The following GOLM1 variants were observed in gnomAD, a reference collection of about 807,000 sequenced individuals.
GOLM1 encodes golgi membrane protein 1, also known as epididymis luminal protein 46.
GOLM1 carries 31 observed loss-of-function variants against 50.5 expected under a neutral mutation model. The ratio of observed to expected loss-of-function variants is 0.61; its 90% confidence interval spans 0.46 to 0.83. GOLM1 has a LOEUF of 0.83. GOLM1 is among the 40% of genes least tolerant of loss of function. GOLM1 has a pLI of 0.00. For synonymous variants in GOLM1, 178 were observed against 192.8 expected (o/e 0.92, Z 0.64); for missense variants, 491 against 501.3 (o/e 0.98, Z 0.20).
At chr9:86,043,928 A>C (rs530806073) in intron 5 of GOLM1, among the ~76,000 whole-genome samples, 1 of 152,342 alleles carries the variant, frequency 6.6e-6, no homozygotes, top group African/African-American at 2.4e-5. Flanking sequence ...AATCTATATG[A>C]GGGAAATATT....
At chr9:86,057,961 C>G (rs113665596) in intron 3 of GOLM1, among the ~76,000 whole-genome samples, 95 of 152,310 alleles carry the variant, frequency 6.2e-4, no homozygotes, top group African/African-American at 2.1e-3. Flanking sequence ...TAAAAAGGAC[C>G]CTTATCTAAT....
At chr9:86,090,388 G>A (rs528733026) in intron 1 of GOLM1, among the ~76,000 whole-genome samples, 108 of 152,296 alleles carry the variant, frequency 7.1e-4, no homozygotes, top group Non-Finnish European at 1.2e-3. Context: ...GGAGCTGGGA[G>A]TTTTATCTGT....
At chr9:86,099,873 C>G (rs888602273), upstream of GOLM1, among the ~76,000 whole-genome samples, 2 of 152,176 alleles carry the variant, frequency 1.3e-5, no homozygotes, top group African/African-American at 4.8e-5. Context: ...GGGGGAGCCC[C>G]CATCCCACGT....
At chr9:86,053,222 C>T (rs1833831594) in intron 3 of GOLM1, among the ~76,000 whole-genome samples, 1 of 137,582 alleles carries the variant, frequency 7.3e-6, no homozygotes, top group Non-Finnish European at 1.6e-5. Flanking sequence ...CATCACACCA[C>T]TCCACACCAC....
At chr9:86,038,247 G>C (rs1309863788) in intron 6 of GOLM1, among the ~76,000 whole-genome samples, 1 of 151,984 alleles carries the variant, frequency 6.6e-6, no homozygotes, top group Non-Finnish European at 1.5e-5. Flanking sequence ...AGCTCAACCA[G>C]GCTCTCAGTG....
intron 9 of GOLM1, among the ~76,000 whole-genome samples, chr9:86,030,618 A>G (rs979954759): frequency 2.0e-5 from 3 of 152,170 alleles, no homozygotes; most frequent in African/African-American, 7.2e-5. Flanking sequence ...AAAGAACACT[A>G]AAGAGGTCTG....
At chr9:86,079,510 G>A (rs755913071) in intron 1 of GOLM1, among the ~76,000 whole-genome samples, 169 bp from the exon 2 acceptor site, 2 of 152,144 alleles carry the variant, frequency 1.3e-5, no homozygotes, top group South Asian at 2.1e-4. Context: ...TGAACGGCAC[G>A]CACAGAGCCC....
chr9:86,072,148 T>C (rs980802590), intron 3 of GOLM1, among the ~76,000 whole-genome samples: 8 of 152,102 alleles, frequency 5.3e-5, no homozygotes, highest in African/African-American at 1.9e-4. Context: ...TTCAGAAATA[T>C]AAGCTACAAA....
At chr9:86,034,675 T>C (rs1833079873) in intron 8 of GOLM1, among the ~76,000 whole-genome samples, 1 of 152,142 alleles carries the variant, frequency 6.6e-6, no homozygotes, top group East Asian at 1.9e-4. Context: ...AAAATTAGAT[T>C]TAAATGGAAT....
intron 1 of GOLM1, among the ~76,000 whole-genome samples, chr9:86,093,889 C>T (rs554135596): frequency 1.3e-5 from 2 of 152,286 alleles, no homozygotes; most frequent in East Asian, 3.9e-4. Flanking sequence ...GCATGTTTGA[C>T]CAACATCAAC....
chr9:86,033,438 C>CAGAA, intron 8 of GOLM1, 43 bp from the exon 9 acceptor site: 1 of 1,196,070 alleles, frequency 8.4e-7, no homozygotes, highest in Non-Finnish European at 1.2e-6. Flanking sequence ...TCATTTCTGT[C>CAGAA]TTGATGTCAC....
intron 5 of GOLM1, among the ~76,000 whole-genome samples, chr9:86,041,828 T>C (rs1324237730): frequency 6.6e-6 from 1 of 152,108 alleles, no homozygotes; most frequent in Non-Finnish European, 1.5e-5. Context: ...GTATCAAAAC[T>C]TGAACTGGGG....
chr9:86,063,144 G>A (rs1834209553), intron 3 of GOLM1, among the ~76,000 whole-genome samples: 1 of 152,258 alleles, frequency 6.6e-6, no homozygotes, highest in Non-Finnish European at 1.5e-5. Flanking sequence ...CTTGACCCAG[G>A]AGCGGGGGCT....
intron 1 of GOLM1, among the ~76,000 whole-genome samples, chr9:86,098,247 G>C (rs1411757832): frequency 1.3e-5 from 2 of 150,770 alleles, no homozygotes; most frequent in Non-Finnish European, 3.0e-5. Flanking sequence ...TTTCTATTAA[G>C]AAAGAAAGTA....
chr9:86,026,731 T>A lies in GOLM1; in HGVS notation c.*1086A>T. 1 of 982,364 alleles carries A rather than the reference T, an allele frequency of 1.0e-6. No individual in the cohort carries two copies. Among genetic ancestry groups the A allele is most frequent in the Non-Finnish European group, 1.2e-6 (1 of 827,122 alleles). The allele number at this position is 982,364 out of a possible 1,614,324, so 60.9% of individuals were successfully genotyped here. A position where few individuals can be genotyped will look rare whatever the true frequency, so the allele number is the denominator to read the frequency against. On this transcript the variant is annotated 3_prime_UTR_variant, in exon 10 of 10. Coordinates refer to ENST00000388712, the MANE Select transcript of GOLM1 (RefSeq NM_016548.4). ...CTCAAGTCAAACCTTAATGCCATTG[T>A]TATTGTGAATTAGGATTAAGTAGTA...
At chr9:86,087,227 G>A (rs1038485313) in intron 1 of GOLM1, among the ~76,000 whole-genome samples, 5 of 152,158 alleles carry the variant, frequency 3.3e-5, no homozygotes, top group African/African-American at 1.2e-4. Context: ...GTGAATGGGA[G>A]CTCATTCATG....
chr9:86,052,891 C>A (rs1158348284), intron 3 of GOLM1, among the ~76,000 whole-genome samples: 1 of 120,812 alleles, frequency 8.3e-6, no homozygotes, highest in Non-Finnish European at 1.8e-5. Flanking sequence ...CCTCCTTCCT[C>A]CTGCCCGACA....
chr9:86,046,629 AG>A (rs1377252479), intron 4 of GOLM1, 57 bp from the exon 5 acceptor site: 12 of 1,046,340 alleles, frequency 1.1e-5, no homozygotes, highest in Non-Finnish European at 1.8e-5. Context: ...CATGCCATTC[AG>A]CCAAAATATG....
At chr9:86,028,565 A>G (rs1832860362) in intron 9 of GOLM1, among the ~76,000 whole-genome samples, 1 of 152,214 alleles carries the variant, frequency 6.6e-6, no homozygotes. Context: ...AACCTGGGAT[A>G]CAGAAAGCCC....
Sources: gnomAD v4.1 joint callset for allele counts (sites outside exome capture counted in the v4.1 genomes callset) on GRCh38, gnomAD v4.1.1 for gene constraint, MANE v1.5 for transcripts, NCBI Gene and HGNC (gene_info 2026-07-23, HGNC 2026-07-21) for gene names.